The following SYT16 variants were observed in gnomAD, a reference collection of about 807,000 sequenced individuals.
SYT16 encodes the protein synaptotagmin-16.
In SYT16, 42 loss-of-function variants were observed where a neutral mutation model predicts 61.4. The observed-to-expected ratio is 0.68, with a 90% CI of 0.53 to 0.89. SYT16 has a LOEUF of 0.89. Ranked by LOEUF, SYT16 falls within the 40% of genes least tolerant of loss-of-function variation. The pLI, the probability that SYT16 is intolerant of heterozygous loss-of-function variation, is 0.00. For missense variants in SYT16, 804 were observed against 807.3 expected, an observed-to-expected ratio of 1.00 and a Z score of 0.05; for synonymous variants, 314 against 302.3, an observed-to-expected ratio of 1.04 and a Z score of -0.40.
intron 3 of SYT16, among the ~76,000 whole-genome samples, chr14:62,050,997 C>G (rs2055257821): frequency 1.3e-5 from 2 of 152,356 alleles, no homozygotes. Flanking sequence ...CTCTTCAAAA[C>G]TGTCAGACAG....
chr14:61,828,614 A>G (rs1424710769), intron 1 of SYT16, among the ~76,000 whole-genome samples: 1 of 152,250 alleles, frequency 6.6e-6, no homozygotes, highest in Non-Finnish European at 1.5e-5. Flanking sequence ...CAAAATAATC[A>G]TAGGATCTGA....
chr14:61,948,620 G>T (rs1324597827), intron 1 of SYT16, among the ~76,000 whole-genome samples: 1 of 152,158 alleles, frequency 6.6e-6, no homozygotes, highest in Non-Finnish European at 1.5e-5. Context: ...AATCCTGCAG[G>T]ACATCCTGGT....
At position 62,080,858 on chromosome 14, in the gene SYT16, G is replaced by T; in HGVS notation, c.1018G>T (p.Val340Leu). ...GGAACAGGACAGGACCAATTTGCAG[G>T]TGCCATCCGGGGTCTCAGAGCCCAT... is the stretch of plus-strand genomic sequence containing the variant. ...PEEQDRTNLQ[V>L]PSGVSEPISK... The change falls in exon 6 of 8, where the codon GTG becomes TTG. Residue 340 changes from valine to leucine, a missense_variant. Physicochemically the swap from Val to Leu is conservative, Grantham distance 32 (BLOSUM62 1). Transcript: ENST00000683842. The T allele has an allele frequency of 6.2e-7, 1 of 1,601,152 alleles. No individual in the cohort carries two copies. The highest frequency in any genetic ancestry group is 1.3e-5 in the African/African-American group (1 of 74,852).
intron 1 of SYT16, among the ~76,000 whole-genome samples, chr14:61,928,243 G>C (rs1222750190): frequency 6.6e-6 from 1 of 152,142 alleles, no homozygotes; most frequent in Non-Finnish European, 1.5e-5. Context: ...AAGGGATGTT[G>C]ACTGGAGCTG....
intron 3 of SYT16, among the ~76,000 whole-genome samples, chr14:62,030,859 G>C (rs549919022): frequency 2.6e-5 from 4 of 152,130 alleles, no homozygotes; most frequent in Non-Finnish European, 5.9e-5. Context: ...TGTTGCATTT[G>C]GTTATTAATA....
chr14:61,845,552 G>A (rs533577917), intron 1 of SYT16, among the ~76,000 whole-genome samples: 17 of 152,088 alleles, frequency 1.1e-4, no homozygotes, highest in Admixed American at 3.9e-4. Flanking sequence ...TCTTCTTTTC[G>A]TGTCTGATTT....
intron 1 of SYT16, among the ~76,000 whole-genome samples, chr14:61,965,518 C>T (rs190188157): frequency 6.6e-6 from 1 of 152,148 alleles, no homozygotes; most frequent in Non-Finnish European, 1.5e-5. Context: ...TCTAGTGTTC[C>T]CCATCCCTCA....
intron 3 of SYT16, among the ~76,000 whole-genome samples, chr14:62,039,134 A>C (rs1270254118): frequency 6.6e-6 from 1 of 151,612 alleles, no homozygotes. Context: ...TTCTTCAGTG[A>C]AGAAAAAAAT....
At chr14:62,017,990 A>G (rs1055893665) in intron 3 of SYT16, among the ~76,000 whole-genome samples, 1 of 152,160 alleles carries the variant, frequency 6.6e-6, no homozygotes, top group African/African-American at 2.4e-5. Flanking sequence ...TGCTGGGATT[A>G]TAGGCATGAG....
At chr14:61,816,977 C>G (rs1248236702) in intron 1 of SYT16, among the ~76,000 whole-genome samples, 1 of 147,506 alleles carries the variant, frequency 6.8e-6, no homozygotes, top group African/African-American at 2.5e-5. Flanking sequence ...TGCCACTGCA[C>G]TCCAGCCTGG....
At chr14:61,909,808 T>G (rs890257584) in intron 1 of SYT16, among the ~76,000 whole-genome samples, 14 of 152,198 alleles carry the variant, frequency 9.2e-5, no homozygotes, top group Non-Finnish European at 1.8e-4. Flanking sequence ...CCAGAATATT[T>G]GTGGAGCCTT....
chr14:61,825,819 A>T (rs113338915), intron 1 of SYT16, among the ~76,000 whole-genome samples: 20 of 152,334 alleles, frequency 1.3e-4, no homozygotes, highest in African/African-American at 4.6e-4. Context: ...CATTTAAGAA[A>T]GATTAATAAA....
At chr14:62,081,982 A>C (rs1198113571) in intron 6 of SYT16, among the ~76,000 whole-genome samples, 1 of 152,238 alleles carries the variant, frequency 6.6e-6, no homozygotes, top group Non-Finnish European at 1.5e-5. Flanking sequence ...TAAGCAGGCG[A>C]TGCCTCTGCC....
At chr14:62,014,899 G>C (rs1314427328) in intron 3 of SYT16, among the ~76,000 whole-genome samples, 1 of 152,134 alleles carries the variant, frequency 6.6e-6, no homozygotes, top group Non-Finnish European at 1.5e-5. Context: ...TATGTCTACT[G>C]TCTTCTAGCA....
intron 1 of SYT16, among the ~76,000 whole-genome samples, chr14:61,931,736 C>T (rs948951786): frequency 6.6e-6 from 1 of 152,076 alleles, no homozygotes; most frequent in Non-Finnish European, 1.5e-5. Context: ...CATCTAGGAT[C>T]ATTTCCTTAG....
chr14:61,867,646 A>G (rs1421872716), intron 1 of SYT16, among the ~76,000 whole-genome samples: 1 of 152,114 alleles, frequency 6.6e-6, no homozygotes, highest in Non-Finnish European at 1.5e-5. Flanking sequence ...ACTATTTACA[A>G]TAAAAAACAA....
intron 3 of SYT16, among the ~76,000 whole-genome samples, chr14:62,065,354 A>ATAGAAT (rs541647257): frequency 4.6e-5 from 7 of 152,190 alleles, no homozygotes; most frequent in Non-Finnish European, 1.0e-4. Context: ...TATAATCAGA[A>ATAGAAT]TAGAATTCCT....
intron 1 of SYT16, among the ~76,000 whole-genome samples, chr14:61,890,774 A>G (rs567175885): frequency 5.9e-5 from 9 of 152,182 alleles, no homozygotes; most frequent in Non-Finnish European, 1.3e-4. Context: ...GAACAGTTTC[A>G]TAGCTGTGGT....
At chr14:62,013,840 T>A (rs1302380972) in intron 3 of SYT16, among the ~76,000 whole-genome samples, 1 of 152,108 alleles carries the variant, frequency 6.6e-6, no homozygotes, top group Non-Finnish European at 1.5e-5. Context: ...GGTGGGCACC[T>A]GTAGTCCCAG....
Sources: allele counts gnomAD v4.1 joint callset (sites outside exome capture counted in the v4.1 genomes callset), GRCh38; gene constraint gnomAD v4.1.1; transcripts MANE v1.5; gene names NCBI Gene and HGNC (gene_info 2026-07-23, HGNC 2026-07-21).